FAM184A: variants seen among roughly 807,000 people sequenced by gnomAD.
The protein encoded by FAM184A is family with sequence similarity 184 member A.
Under a neutral mutation model 143.8 loss-of-function variants are expected in FAM184A, and 99 were observed. That is an observed-to-expected ratio of 0.69 (90% CI 0.58 to 0.81). The LOEUF is 0.81. Ranked by LOEUF, FAM184A falls within the 40% of genes least tolerant of loss-of-function variation. The probability of loss-of-function intolerance (pLI) is 0.00; values close to 1 mark genes in which losing one functional copy is unlikely to be tolerated. For synonymous variants in FAM184A, 427 were observed against 446.4 expected (o/e 0.96, Z 0.55); for missense variants, 1,217 against 1,310.5 (o/e 0.93, Z 1.10).
intron 7 of FAM184A, chr6:119,006,004 A>G: frequency 1.4e-6 from 1 of 694,498 alleles, no homozygotes; most frequent in Non-Finnish European, 2.7e-6. Flanking sequence ...ATACCTCAGA[A>G]TGTGACTTTA....
At chr6:119,072,288 A>G (rs1183025417) in intron 1 of FAM184A, among the ~76,000 whole-genome samples, 1 of 152,178 alleles carries the variant, frequency 6.6e-6, no homozygotes, top group African/African-American at 2.4e-5. Flanking sequence ...ATTAATCCAA[A>G]CCACTCCACT....
chr6:119,141,183 TAAC>T (rs1433889191), intron 1 of FAM184A, among the ~76,000 whole-genome samples: 1 of 152,210 alleles, frequency 6.6e-6, no homozygotes, highest in East Asian at 1.9e-4. Flanking sequence ...GAGCATAAAA[TAAC>T]AACACTTTAA....
chr6:119,054,152 C>T (rs1051440320), intron 1 of FAM184A, among the ~76,000 whole-genome samples: 3 of 152,096 alleles, frequency 2.0e-5, no homozygotes, highest in Admixed American at 2.0e-4. Context: ...ACTATCCCAT[C>T]TCCACTATTT....
chr6:118,998,540 G>A (rs1378114530), intron 9 of FAM184A, among the ~76,000 whole-genome samples: 1 of 152,220 alleles, frequency 6.6e-6, no homozygotes, highest in Admixed American at 6.5e-5. Context: ...AAGCATAGGA[G>A]GCTAGTGAAT....
Position 118,976,062 on chromosome 6 carries a change from A to C in FAM184A, c.2456-18T>G. ...CAAGGAAGCTGGAATTGCAAGGCAA[A>C]AATACATTTGGCACATTTAAAAAAT... is the stretch of plus-strand genomic sequence containing the variant. On this transcript the variant is annotated intron_variant, in intron 11 of 17. Coordinates refer to ENST00000338891, the MANE Select transcript of FAM184A (RefSeq NM_024581.6). 6.2e-7 allele frequency: 1 copy of C among 1,606,432 alleles called. No homozygotes were observed. Among genetic ancestry groups the C allele is most frequent in the Non-Finnish European group, 8.5e-7 (1 of 1,178,124 alleles).
chr6:119,090,976 A>G (rs1374871689), intron 1 of FAM184A, among the ~76,000 whole-genome samples: 3 of 152,200 alleles, frequency 2.0e-5, no homozygotes, highest in Non-Finnish European at 2.9e-5. Context: ...TTATTTAGCA[A>G]TAATCCTAGA....
intron 1 of FAM184A, among the ~76,000 whole-genome samples, chr6:119,045,291 A>AT (rs3058653): frequency 0.055 from 7,826 of 143,070 alleles, 374 homozygotes; most frequent in Middle Eastern, 0.13. Flanking sequence ...CAGTTTCTCA[A>AT]TTTTTTTTTT....
intron 14 of FAM184A, among the ~76,000 whole-genome samples, chr6:118,968,591 G>C (rs936365211): frequency 6.6e-6 from 1 of 152,148 alleles, no homozygotes; most frequent in Middle Eastern, 3.2e-3. Context: ...TGGCAATTTG[G>C]GTTTTATGTT....
chr6:119,040,525 T>C, intron 1 of FAM184A, among the ~76,000 whole-genome samples: 1 of 152,190 alleles, frequency 6.6e-6, no homozygotes, highest in South Asian at 2.1e-4. Flanking sequence ...CTTTAGGGTC[T>C]GTACTGAGCA....
chr6:119,111,441 G>A (rs1413061026), intron 1 of FAM184A, among the ~76,000 whole-genome samples: 1 of 152,140 alleles, frequency 6.6e-6, no homozygotes. Context: ...CGTGGATGGT[G>A]GTGATGGTTG....
chr6:119,091,572 C>A (rs950918985), intron 1 of FAM184A, among the ~76,000 whole-genome samples: 2 of 152,146 alleles, frequency 1.3e-5, no homozygotes, highest in African/African-American at 4.8e-5. Flanking sequence ...TCCTTTAGTG[C>A]AAACTGATGT....
In FAM184A at chr6:119,029,529, A is replaced by C. The variant is rs117974858; in HGVS notation, c.160-4716T>G. 5.6e-3 allele frequency among the ~76,000 whole-genome samples: 855 copies of C among 152,228 alleles called. 25 individuals are homozygous for C. Among genetic ancestry groups the C allele is most frequent in the East Asian group, 0.01 (54 of 5,180 alleles). The stretch of plus-strand genomic sequence containing the variant: ...ACTCCTGATTGTCAGTAAATATATA[A>C]TTAAATTTGGAGGAGTCTTGATAAG... On this transcript the variant is annotated intron_variant, in intron 1 of 17. Coordinates refer to ENST00000338891, the MANE Select transcript of FAM184A (RefSeq NM_024581.6).
upstream of FAM184A, among the ~76,000 whole-genome samples, chr6:119,082,582 T>A (rs150187074): frequency 3.6e-3 from 547 of 152,360 alleles, 3 homozygotes; most frequent in African/African-American, 0.013. Context: ...ACAGGCCCCA[T>A]GCAAGTGTGA....
chr6:119,109,363 C>A (rs1788870945), intron 1 of FAM184A, among the ~76,000 whole-genome samples: 1 of 152,214 alleles, frequency 6.6e-6, no homozygotes, highest in Non-Finnish European at 1.5e-5. Context: ...ACTTAAACCT[C>A]AGCCTCTCTC....
chr6:119,130,944 C>T (rs1789519399), intron 1 of FAM184A, among the ~76,000 whole-genome samples: 1 of 150,558 alleles, frequency 6.6e-6, no homozygotes, highest in African/African-American at 2.5e-5. Flanking sequence ...GCAACCTCTG[C>T]CTCCCGGGTT....
At chr6:119,110,232 G>A (rs193228233) in intron 1 of FAM184A, among the ~76,000 whole-genome samples, 2 of 152,218 alleles carry the variant, frequency 1.3e-5, no homozygotes, top group East Asian at 1.9e-4. Flanking sequence ...TAACATGTGC[G>A]TTTATTTTCC....
chr6:119,063,029 TC>T (rs1787316335), intron 1 of FAM184A, among the ~76,000 whole-genome samples: 1 of 152,100 alleles, frequency 6.6e-6, no homozygotes, highest in African/African-American at 2.4e-5. Context: ...GATTGAAGAG[TC>T]ATTCAGATTT....
rs911559586 is a variant in FAM184A at position 118,959,888 on chromosome 6, CAAAT to C, written c.*211_*214del. On this transcript the variant is annotated 3_prime_UTR_variant, in exon 18 of 18. Transcript: ENST00000338891. Reference sequence around the variant, plus strand: ...ACAAAGGTTAAAGACTCTTCCATCTCAAATAAAAATAACAGTTATAATTACACAC... The same window carrying C: ...ACAAAGGTTAAAGACTCTTCCATCTCAAAAATAACAGTTATAATTACACAC... 1.8e-5 allele frequency: 6 copies of C among 338,212 alleles called. No individual in the cohort carries two copies. The highest frequency in any genetic ancestry group is 1.3e-4 in the African/African-American group (6 of 47,168). 21.0% of individuals were successfully genotyped at this position (338,212 alleles called of 1,614,324 possible).
intron 1 of FAM184A, among the ~76,000 whole-genome samples, chr6:119,111,728 A>G (rs1788939910): frequency 1.3e-5 from 2 of 152,222 alleles, no homozygotes; most frequent in Non-Finnish European, 2.9e-5. Context: ...CGGTGTCGAG[A>G]ATGCAGCAGT....
Sources: gnomAD v4.1 joint callset for allele counts (sites outside exome capture counted in the v4.1 genomes callset) on GRCh38, gnomAD v4.1.1 for gene constraint, MANE v1.5 for transcripts, NCBI Gene and HGNC (gene_info 2026-07-23, HGNC 2026-07-21) for gene names.